The following RNF19A variants were observed in gnomAD, a reference collection of about 807,000 sequenced individuals.
RNF19A encodes the protein E3 ubiquitin-protein ligase RNF19A.
Under a neutral mutation model 75.7 loss-of-function variants are expected in RNF19A, and 32 were observed. The ratio of observed to expected loss-of-function variants is 0.42; its 90% CI spans 0.32 to 0.57. RNF19A has a LOEUF of 0.57. Ranked by LOEUF, RNF19A falls within the 20% of genes least tolerant of loss-of-function variation. RNF19A has a pLI of 0.10. For missense variants in RNF19A, 782 were observed against 1,036.3 expected (o/e 0.75, Z 3.37); for synonymous variants, 335 against 345.2 (o/e 0.97, Z 0.33).
chr8:100,295,748 T>A (rs1351788502), intron 1 of RNF19A, among the ~76,000 whole-genome samples: 1 of 152,204 alleles, frequency 6.6e-6, no homozygotes, highest in Admixed American at 6.5e-5. Context: ...CTAGAAATGA[T>A]GTATTTCTAC....
At chr8:100,276,460 G>C (rs1035149688) in intron 2 of RNF19A, among the ~76,000 whole-genome samples, 1 of 151,880 alleles carries the variant, frequency 6.6e-6, no homozygotes, top group African/African-American at 2.4e-5. Context: ...GATTATAAGA[G>C]AGCAACACAG....
chr8:100,321,945 G>A (rs1160258296), intron 1 of RNF19A, among the ~76,000 whole-genome samples: 1 of 152,152 alleles, frequency 6.6e-6, no homozygotes, highest in East Asian at 1.9e-4. Context: ...TACAGGCTTT[G>A]TTGTTCCGTT....
At chr8:100,301,570 T>C (rs1171112963) in intron 1 of RNF19A, among the ~76,000 whole-genome samples, 1 of 152,218 alleles carries the variant, frequency 6.6e-6, no homozygotes, top group African/African-American at 2.4e-5. Context: ...TCTATGAATT[T>C]TCCTACGCCT....
rs765630670 is a variant in RNF19A, at chr8:100,287,658, T to C, written c.517A>G (p.Asn173Asp). The change falls in exon 2 of 10, where the codon AAT becomes GAT. Residue 173 changes from asparagine to aspartate, a missense_variant. Around this residue, in one of 7 missense-constraint regions of RNF19A, gnomAD observed 85 missense variants for 177.7 expected, o/e 0.48. Coordinates refer to ENST00000341084, the MANE Select transcript of RNF19A (RefSeq NM_183419.4). This position sits in a 1 kb window ranked among gnomAD's most constrained non-coding sequence, Gnocchi z 4.1. Reference sequence around the variant, plus strand: ...TCAGTACATTCTGGGCAACTAATATTAACTCTGCTTTCAGAGATTTCTATC... The same window carrying C: ...TCAGTACATTCTGGGCAACTAATATCAACTCTGCTTTCAGAGATTTCTATC... ...LRIEISESRV[N>D]ISCPECTERF... 1.2e-6 allele frequency: 2 copies of C among 1,614,156 alleles called. No individual in the cohort carries two copies. Among genetic ancestry groups the C allele is most frequent in the South Asian group, 1.1e-5 (1 of 91,084 alleles).
intron 1 of RNF19A, among the ~76,000 whole-genome samples, chr8:100,297,604 C>T (rs1421594058): frequency 6.6e-6 from 1 of 152,196 alleles, no homozygotes; most frequent in East Asian, 1.9e-4. Flanking sequence ...CTCTCTTTCT[C>T]TTCACACAAT....
At chr8:100,285,067 A>C (rs1305809591) in intron 2 of RNF19A, among the ~76,000 whole-genome samples, 2 of 152,124 alleles carry the variant, frequency 1.3e-5, no homozygotes, top group Non-Finnish European at 2.9e-5. Flanking sequence ...TCTACTGTTA[A>C]TGAACATTTT....
At chr8:100,274,667 G>A (rs560527158) in intron 3 of RNF19A, among the ~76,000 whole-genome samples, 1 of 152,258 alleles carries the variant, frequency 6.6e-6, no homozygotes, top group South Asian at 2.1e-4. Flanking sequence ...TTACAGGAGT[G>A]AGCTACCATA....
rs1245088117 is a variant in RNF19A at position 100,264,902 on chromosome 8, A to G, written c.1192-117T>C. The G allele has an allele frequency of 1.4e-6, 1 of 722,472 alleles. No individual in the cohort carries two copies. The highest frequency in any genetic ancestry group is 2.4e-6 in the Non-Finnish European group (1 of 423,988). The allele number at this position is 722,472 out of a possible 1,614,324, so 44.8% of individuals were successfully genotyped here. Reference sequence around the variant, plus strand: ...TTTTCATAGAAGTTCGTAGCTGAGTATCTTAGTTCAAGGTAAACCTACTAG... The same window carrying G: ...TTTTCATAGAAGTTCGTAGCTGAGTGTCTTAGTTCAAGGTAAACCTACTAG... On this transcript the variant is annotated intron_variant, in intron 5 of 9. Transcript: ENST00000341084. The surrounding 1 kb of genome is among the most constrained non-coding windows in gnomAD (Gnocchi z 4.7).
intron 1 of RNF19A, among the ~76,000 whole-genome samples, chr8:100,301,548 T>G (rs1411493687): frequency 6.6e-6 from 1 of 152,228 alleles, no homozygotes; most frequent in Non-Finnish European, 1.5e-5. Flanking sequence ...ACAAAACATA[T>G]ATAGTTTCAA....
Position 100,292,435 on chromosome 8 carries a change from G to GGTGTGTGT in RNF19A, c.-93-4176_-93-4169dup, listed in dbSNP as rs1554671903. On this transcript the variant is annotated intron_variant, in intron 1 of 9. Coordinates refer to ENST00000341084, the MANE Select transcript of RNF19A (RefSeq NM_183419.4). ...TAATAAAGAGGCTTGCTATCATATGGGTGTGTGTGTGTGTGTGTGTGTGTG... is the reference window on the plus strand; with the variant it reads ...TAATAAAGAGGCTTGCTATCATATGGGTGTGTGTGTGTGTGTGTGTGTGTGTGTGTGTG... Among the ~76,000 whole-genome samples, 863 of 145,414 alleles carry GGTGTGTGT rather than the reference G, an allele frequency of 5.9e-3. 10 individuals carry two copies. Among genetic ancestry groups the GGTGTGTGT allele is most frequent in the African/African-American group, 0.019 (738 of 39,328 alleles).
intron 3 of RNF19A, among the ~76,000 whole-genome samples, chr8:100,272,538 CTT>C (rs368580933): frequency 1.4e-5 from 2 of 144,364 alleles, no homozygotes; most frequent in Non-Finnish European, 3.1e-5. Context: ...GTTCACTACA[CTT>C]TTTTTTTTTT....
In RNF19A at chr8:100,275,849, A is replaced by G. The variant is rs906533350; in HGVS notation, c.675-688T>C. On this transcript the variant is annotated intron_variant, in intron 2 of 9. Coordinates refer to ENST00000341084, the MANE Select transcript of RNF19A (RefSeq NM_183419.4). The surrounding 1 kb of genome is among the most constrained non-coding windows in gnomAD (Gnocchi z 4.3). The stretch of plus-strand genomic sequence containing the variant: ...AGTTTTAACTGTCAGGTAATGGCAT[A>G]CTGTGCCAATTTATAAATTTTGTGA... Among the ~76,000 whole-genome samples the G allele has an allele frequency of 2.0e-5, 3 of 152,192 alleles. No individual in the cohort carries two copies. Among genetic ancestry groups the G allele is most frequent in the Non-Finnish European group, 4.4e-5 (3 of 68,022 alleles).
chr8:100,273,468 A>G (rs1272201442), intron 3 of RNF19A, among the ~76,000 whole-genome samples: 1 of 152,258 alleles, frequency 6.6e-6, no homozygotes, highest in Non-Finnish European at 1.5e-5. Flanking sequence ...CTAAGCTGAC[A>G]TATCCTAAAA....
At chr8:100,280,017 A>C (rs1487268220) in intron 2 of RNF19A, among the ~76,000 whole-genome samples, 1 of 152,148 alleles carries the variant, frequency 6.6e-6, no homozygotes, top group Admixed American at 6.5e-5. Flanking sequence ...AGCTATCTTA[A>C]AGCACTGTTA....
intron 1 of RNF19A, among the ~76,000 whole-genome samples, chr8:100,303,892 G>A (rs1189839041): frequency 6.6e-6 from 1 of 151,936 alleles, no homozygotes; most frequent in Admixed American, 6.6e-5. Context: ...AGCCAAGATT[G>A]CGTCACTGCA....
intron 1 of RNF19A, among the ~76,000 whole-genome samples, chr8:100,328,007 T>C (rs1822557765): frequency 6.6e-6 from 1 of 152,188 alleles, no homozygotes; most frequent in Admixed American, 6.5e-5. Flanking sequence ...GAGTCTCGCA[T>C]CATGATGAGT....
upstream of RNF19A, among the ~76,000 whole-genome samples, chr8:100,313,811 T>C (rs1325757499): frequency 6.6e-6 from 1 of 151,896 alleles, no homozygotes; most frequent in African/African-American, 2.4e-5. Context: ...CAGAAGTGGA[T>C]GGTTTTGGTT....
rs1274211039 is a variant in RNF19A, at chr8:100,324,111, A to T, written c.-242-10739T>A. Among the ~76,000 whole-genome samples the T allele has an allele frequency of 2.0e-5, 3 of 152,228 alleles. No homozygotes were observed. Among genetic ancestry groups the T allele is most frequent in the Middle Eastern group, 3.2e-3 (1 of 316 alleles). Reference sequence around the variant, plus strand: ...ATTTTGAGATGACTTTGTTCAAAGAAAATTCCCACACACTGAAGCTGCTAC... The same window carrying T: ...ATTTTGAGATGACTTTGTTCAAAGATAATTCCCACACACTGAAGCTGCTAC... On this transcript the variant is annotated intron_variant, in intron 1 of 3. Transcript: ENST00000519527. The surrounding 1 kb of genome is among the most constrained non-coding windows in gnomAD (Gnocchi z 4.2).
chr8:100,288,076 A>C lies in RNF19A; in HGVS notation c.99T>G (p.Ser33Arg). 1 of 1,614,064 alleles carries C rather than the reference A, an allele frequency of 6.2e-7. No homozygotes were observed. Among genetic ancestry groups the C allele is most frequent in the Non-Finnish European group, 8.5e-7 (1 of 1,179,992 alleles). Reference protein sequence around the residue: ...VSILTSILDMSLHRQMGSDRD... With the variant: ...VSILTSILDMRLHRQMGSDRD... ...GATCTGAACCCATTTGCCGATGTAA[A>C]CTCATGTCTAAAATGCTTGTTAGAA... The change falls in exon 2 of 10, where the codon AGT (serine) becomes AGG (arginine). Residue 33 changes from serine (S) to arginine (R), a missense_variant. Ser to Arg is a moderately radical substitution (Grantham distance 110). Around this residue, in one of 7 missense-constraint regions of RNF19A, gnomAD observed 148 missense variants for 147.9 expected, o/e 1.00. Coordinates refer to ENST00000341084, the MANE Select transcript of RNF19A (RefSeq NM_183419.4).
Sources: gnomAD v4.1 joint callset for allele counts (sites outside exome capture counted in the v4.1 genomes callset) on GRCh38, gnomAD v4.1.1 for gene constraint, gnomAD v4.1.1 regional missense constraint, Gnocchi (gnomAD v3.1) non-coding constraint, MANE v1.5 for transcripts, NCBI Gene and HGNC (gene_info 2026-07-23, HGNC 2026-07-21) for gene names.